CHLSN: variants seen among roughly 807,000 people sequenced by gnomAD.
CHLSN encodes protein cholesin.
At chr7:1,020,746 G>A in the CHLSN span, among the ~76,000 whole-genome samples, 2 of 152,210 alleles carry the variant, frequency 1.3e-5, no homozygotes, top group African/African-American at 2.4e-5. Context: ...GCCCATCACT[G>A]CCGTCTGCTG....
At chr7:1,108,573 C>T in the CHLSN span, among the ~76,000 whole-genome samples, 1 of 152,348 alleles carries the variant, frequency 6.6e-6, no homozygotes, top group Non-Finnish European at 1.5e-5. Flanking sequence ...TGATTCTGTG[C>T]GGATGGCTTT....
the CHLSN span, chr7:987,153 G>C: frequency 6.3e-7 from 1 of 1,577,794 alleles, no homozygotes; most frequent in African/African-American, 1.4e-5. Context: ...GCGGTGGCCT[G>C]CACCCTGGAC....
chr7:994,507 A>G, the CHLSN span, among the ~76,000 whole-genome samples: 1 of 151,586 alleles, frequency 6.6e-6, no homozygotes, highest in South Asian at 2.1e-4. Flanking sequence ...GCTGTGGTGT[A>G]ATCACTGCTC....
the CHLSN span, chr7:1,021,292 C>G: frequency 1.3e-6 from 1 of 798,624 alleles, no homozygotes; most frequent in Non-Finnish European, 1.5e-6. Flanking sequence ...GACCTCCAGG[C>G]TGGCACCCAT....
the CHLSN span, chr7:1,058,006 TCTTC>T: frequency 1.3e-6 from 1 of 770,010 alleles, no homozygotes; most frequent in Non-Finnish European, 2.4e-6. Flanking sequence ...TCCTCGCTGC[TCTTC>T]TACATCTGCA....
the CHLSN span, among the ~76,000 whole-genome samples, chr7:1,068,504 C>T: frequency 2.6e-5 from 4 of 152,140 alleles, no homozygotes; most frequent in Non-Finnish European, 4.4e-5. Flanking sequence ...TTTGCAAAAT[C>T]AGTTCTCAGT....
At chr7:990,618 G>A in the CHLSN span, among the ~76,000 whole-genome samples, 8 of 152,146 alleles carry the variant, frequency 5.3e-5, no homozygotes, top group East Asian at 1.5e-3. Context: ...TAAGTCATGG[G>A]TGGGGCTGCT....
chr7:1,125,961 C>T, the CHLSN span, among the ~76,000 whole-genome samples: 1 of 152,326 alleles, frequency 6.6e-6, no homozygotes, highest in Non-Finnish European at 1.5e-5. Flanking sequence ...TTTTAACACT[C>T]AGAACTTGGT....
the CHLSN span, among the ~76,000 whole-genome samples, chr7:1,037,469 C>T: frequency 7.6e-6 from 1 of 132,192 alleles, no homozygotes; most frequent in Non-Finnish European, 1.7e-5. Context: ...CGGTCTCCAG[C>T]CCCTAACCGC....
At chr7:1,023,452 C>T in the CHLSN span, among the ~76,000 whole-genome samples, 8 of 152,044 alleles carry the variant, frequency 5.3e-5, no homozygotes, top group East Asian at 1.5e-3. The surrounding 1 kb of genome is among the most constrained non-coding windows in gnomAD (Gnocchi z 5.0). Flanking sequence ...GCCCCTCTGA[C>T]AGCACACCCG....
chr7:1,130,432 G>A, the CHLSN span, among the ~76,000 whole-genome samples: 12 of 152,198 alleles, frequency 7.9e-5, no homozygotes, highest in East Asian at 1.2e-3. Flanking sequence ...AGAAGCAGGG[G>A]CCCGGCCCAC....
At chr7:1,116,639 T>C in the CHLSN span, among the ~76,000 whole-genome samples, 100 of 35,190 alleles carry the variant, frequency 2.8e-3, no homozygotes, top group Middle Eastern at 0.025. Context: ...ATCACTACAG[T>C]TCTACGGACC....
chr7:1,131,070 G>A, the CHLSN span, among the ~76,000 whole-genome samples: 1 of 151,802 alleles, frequency 6.6e-6, no homozygotes, highest in Admixed American at 6.6e-5. Context: ...GCACACCTGT[G>A]GTCCCAGCTA....
the CHLSN span, among the ~76,000 whole-genome samples, chr7:1,024,090 G>A: frequency 6.6e-6 from 1 of 152,176 alleles, no homozygotes; most frequent in African/African-American, 2.4e-5. Flanking sequence ...GCCTCCCAAA[G>A]TGCTGGGATT....
the CHLSN span, among the ~76,000 whole-genome samples, chr7:1,059,848 TC>T: frequency 0.018 from 547 of 29,990 alleles, 24 homozygotes; most frequent in Middle Eastern, 0.036. Context: ...GTGAGGCGGG[TC>T]CGTAGTGGGG....
At chr7:1,005,004 A>G in the CHLSN span, among the ~76,000 whole-genome samples, 652 of 152,264 alleles carry the variant, frequency 4.3e-3, 4 homozygotes, top group African/African-American at 0.015. Context: ...TTTAAAAAAA[A>G]GCAGGGGCGG....
At chr7:1,083,584 C>T in the CHLSN span, among the ~76,000 whole-genome samples, 1 of 151,364 alleles carries the variant, frequency 6.6e-6, no homozygotes, top group East Asian at 1.9e-4. Flanking sequence ...GTGGAGTTCG[C>T]ACCACTGCAC....
chr7:1,002,188 T>C, the CHLSN span, among the ~76,000 whole-genome samples: 187 of 108,450 alleles, frequency 1.7e-3, no homozygotes, highest in African/African-American at 4.6e-3. Flanking sequence ...GGGAGTCCTG[T>C]GGGTGGGGAG....
the CHLSN span, among the ~76,000 whole-genome samples, chr7:1,049,223 G>A: frequency 6.6e-6 from 1 of 152,208 alleles, no homozygotes; most frequent in Non-Finnish European, 1.5e-5. Context: ...ACACGTGTCC[G>A]TTCACAAAGA....
Sources: allele counts gnomAD v4.1 joint callset (sites outside exome capture counted in the v4.1 genomes callset), GRCh38; gene constraint gnomAD v4.1.1; non-coding constraint Gnocchi (gnomAD v3.1); transcripts MANE v1.5; gene names NCBI Gene and HGNC (gene_info 2026-07-23, HGNC 2026-07-21).